AFAP1: variants seen among roughly 807,000 people sequenced by gnomAD.
AFAP1 encodes actin filament-associated protein 1.
AFAP1 carries 75 observed loss-of-function variants against 93.9 expected under a neutral mutation model. That is an observed-to-expected ratio of 0.80 (90% CI 0.66 to 0.97). The LOEUF is 0.97. Among genes scored for constraint, AFAP1 ranks in the 50% least tolerant of loss-of-function variants. The probability of loss-of-function intolerance (pLI) is 0.00; values close to 1 mark genes in which losing one functional copy is unlikely to be tolerated. For synonymous variants in AFAP1, 517 were observed against 430.7 expected (o/e 1.20, Z -2.48); for missense variants, 1,201 against 1,050.8 (o/e 1.14, Z -1.98).
Position 7,760,144 on chromosome 4 carries a change from A to G in AFAP1, c.*3621T>C, listed in dbSNP as rs1440874985. On this transcript the variant is annotated 3_prime_UTR_variant, in exon 18 of 18. Transcript: ENST00000420658. ...GCACCAAACTGTGGCCATAATGACA[A>G]TGAACCTCAAACTCCTTCCTGGGGG... 6.6e-6 allele frequency: 1 copy of G among 152,224 alleles called. No homozygotes were observed. The highest frequency in any genetic ancestry group is 1.9e-4 in the East Asian group (1 of 5,192). The allele number at this position is 152,224 out of a possible 1,614,324, so 9.4% of individuals were successfully genotyped here.
At chr4:7,874,130 A>T (rs1292863296) in intron 1 of AFAP1, among the ~76,000 whole-genome samples, 1 of 152,248 alleles carries the variant, frequency 6.6e-6, no homozygotes, top group African/African-American at 2.4e-5. Context: ...ATGATGTAAC[A>T]AAGTCATGTA....
At chr4:7,930,207 G>C (rs747011326) in intron 1 of AFAP1, among the ~76,000 whole-genome samples, 21 of 152,300 alleles carry the variant, frequency 1.4e-4, no homozygotes, top group Middle Eastern at 6.8e-3. Context: ...TGCAAGAGAC[G>C]CACAGGGCAC....
intron 7 of AFAP1, among the ~76,000 whole-genome samples, chr4:7,817,558 T>A (rs1189119277): frequency 1.3e-5 from 2 of 151,824 alleles, no homozygotes; most frequent in Non-Finnish European, 2.9e-5. Flanking sequence ...GCCATTGCAC[T>A]CCAGCCTGGG....
In AFAP1 at chr4:7,768,828, G is replaced by A. The variant is rs146382774; in HGVS notation, c.2418+16C>T. The A allele has an allele frequency of 5.4e-5, 84 of 1,562,528 alleles. No individual in the cohort carries two copies. The highest frequency in any genetic ancestry group is 1.4e-4 in the East Asian group (6 of 43,010). ...CTGCCCAGGACACCCAGACACCCCC[G>A]GACATCAGGGCTTACCTTGGCCTTC... On this transcript the variant is annotated intron_variant, in intron 17 of 17. Transcript: ENST00000420658.
chr4:7,881,159 G>A (rs1237011363), intron 1 of AFAP1, among the ~76,000 whole-genome samples: 1 of 152,090 alleles, frequency 6.6e-6, no homozygotes, highest in Admixed American at 6.5e-5. Flanking sequence ...AAATTGGGGG[G>A]TGGGAACAGT....
intron 1 of AFAP1, among the ~76,000 whole-genome samples, chr4:7,937,836 G>A (rs1721479704): frequency 6.6e-6 from 1 of 152,130 alleles, no homozygotes; most frequent in Non-Finnish European, 1.5e-5. Flanking sequence ...CAAACATTAG[G>A]AAGTAATAGA....
chr4:7,841,150 G>A (rs1340294173), intron 5 of AFAP1, among the ~76,000 whole-genome samples: 6 of 152,254 alleles, frequency 3.9e-5, no homozygotes. Flanking sequence ...TTATGAATGG[G>A]CGTCCTGAAG....
At chr4:7,847,724 C>T (rs1416240776) in intron 4 of AFAP1, among the ~76,000 whole-genome samples, 1 of 146,626 alleles carries the variant, frequency 6.8e-6, no homozygotes, top group East Asian at 2.1e-4. Context: ...TGATTGCCTT[C>T]TAGTCTTGTA....
intron 1 of AFAP1, among the ~76,000 whole-genome samples, chr4:7,881,710 G>A (rs1717857647): frequency 6.6e-6 from 1 of 152,032 alleles, no homozygotes; most frequent in South Asian, 2.1e-4. Context: ...TTGAATCCGG[G>A]TGGTGGATTG....
At chr4:7,843,037 G>T in intron 5 of AFAP1, 102 bp downstream of exon 5, 1 of 1,327,712 alleles carries the variant, frequency 7.5e-7, no homozygotes, top group Non-Finnish European at 1.0e-6. Context: ...CCTGAGTGCT[G>T]CCCTTCCTGC....
chr4:7,866,655 G>A (rs1716429669), intron 3 of AFAP1, among the ~76,000 whole-genome samples: 1 of 152,144 alleles, frequency 6.6e-6, no homozygotes, highest in Non-Finnish European at 1.5e-5. Flanking sequence ...GCCAGAAAAT[G>A]GAAGAACTGC....
chr4:7,798,323 C>T lies in AFAP1; in HGVS notation c.1266+2119G>A, dbSNP rs1479824266. On this transcript the variant is annotated intron_variant, in intron 10 of 17. Transcript: ENST00000420658. ...TGCAACCCTATTGGCTGGCTCACGG[C>T]ATTGCAACTCTATTGGCTGGCTCAC... 3.0e-5 allele frequency among the ~76,000 whole-genome samples: 4 copies of T among 132,910 alleles called. 1 individual carries two copies. The South Asian group carries it at 8.3e-4, about 28-fold the overall frequency. 87.2% of individuals were successfully genotyped at this position (132,910 alleles called of 152,430 possible). A position where few individuals can be genotyped will look rare whatever the true frequency, so the allele number is the denominator to read the frequency against.
At chr4:7,869,908 G>T (rs189776019) in intron 2 of AFAP1, among the ~76,000 whole-genome samples, 254 of 152,266 alleles carry the variant, frequency 1.7e-3, no homozygotes, top group Admixed American at 2.9e-3. Flanking sequence ...GCTGAAGAAA[G>T]AATTCATGAA....
At position 7,847,328 on chromosome 4, in the gene AFAP1, C is replaced by T. The variant is rs1713824968; in HGVS notation, c.335-3978G>A. Among the ~76,000 whole-genome samples, 4 of 151,732 alleles carry T rather than the reference C, an allele frequency of 2.6e-5. No individual in the cohort carries two copies. In the South Asian group the frequency reaches 8.3e-4, roughly 31 times the overall value. On this transcript the variant is annotated intron_variant, in intron 4 of 17. Coordinates refer to ENST00000420658, the MANE Select transcript of AFAP1 (RefSeq NM_001134647.2). Reference sequence around the variant, plus strand: ...AAAGTATGCTTAGTGATGGTCCAATCAAGAGAACTCTCCAGAAAGTATGCT... The same window carrying T: ...AAAGTATGCTTAGTGATGGTCCAATTAAGAGAACTCTCCAGAAAGTATGCT...
intron 3 of AFAP1, among the ~76,000 whole-genome samples, chr4:7,867,087 AGAGGGGAGGAGAGGG>A (rs1716493311): frequency 2.1e-5 from 1 of 47,272 alleles, no homozygotes; most frequent in Non-Finnish European, 3.6e-5. Context: ...GGAGGGGAGG[AGAGGGGAGGAGAGGG>A]GAGTAGAGGG....
intron 6 of AFAP1, among the ~76,000 whole-genome samples, chr4:7,820,852 C>A (rs1253238791): frequency 6.6e-6 from 1 of 152,156 alleles, no homozygotes; most frequent in Non-Finnish European, 1.5e-5. Flanking sequence ...GGCGCAGTGG[C>A]TCACACCTGT....
At chr4:7,866,867 TAA>T (rs71264985) in intron 3 of AFAP1, among the ~76,000 whole-genome samples, 3 of 139,930 alleles carry the variant, frequency 2.1e-5, no homozygotes, top group Non-Finnish European at 3.1e-5. Flanking sequence ...CTTTCTCTAT[TAA>T]AAAAAAAAAA....
chr4:7,777,501 A>G (rs1162336531), intron 14 of AFAP1: 1 of 152,116 alleles, frequency 6.6e-6, no homozygotes, highest in Admixed American at 6.5e-5. Context: ...GGATGCTCCA[A>G]CTCCAAAAGT....
chr4:7,790,861 C>G (rs1717803374), intron 11 of AFAP1, among the ~76,000 whole-genome samples: 1 of 152,202 alleles, frequency 6.6e-6, no homozygotes, highest in African/African-American at 2.4e-5. Flanking sequence ...TGTAGAAAAC[C>G]TCCAGTATTA....
Sources: allele counts gnomAD v4.1 joint callset (sites outside exome capture counted in the v4.1 genomes callset), GRCh38; gene constraint gnomAD v4.1.1; transcripts MANE v1.5; gene names NCBI Gene and HGNC (gene_info 2026-07-23, HGNC 2026-07-21).